The following SLC7A5 variants were observed in gnomAD, a reference collection of about 807,000 sequenced individuals.
The protein encoded by SLC7A5 is solute carrier family 7 member 5, also known as large neutral amino acids transporter small subunit 1.
SLC7A5 carries 23 observed loss-of-function variants against 50.2 expected under a neutral mutation model. The observed-to-expected ratio is 0.46, with a 90% CI of 0.33 to 0.65. SLC7A5 has a LOEUF of 0.65. Ranked by LOEUF, SLC7A5 falls within the 30% of genes least tolerant of loss-of-function variation. The probability of loss-of-function intolerance (pLI) is 0.02; values close to 1 mark genes in which losing one functional copy is unlikely to be tolerated. For synonymous variants in SLC7A5, 393 were observed against 330.6 expected (o/e 1.19, Z -2.05); for missense variants, 578 against 684.4 (o/e 0.84, Z 1.73).
At chr16:87,858,921 G>A (rs1305950658) in intron 1 of SLC7A5, among the ~76,000 whole-genome samples, 5 of 152,244 alleles carry the variant, frequency 3.3e-5, no homozygotes, top group Admixed American at 1.3e-4. Flanking sequence ...CAGATGCAGT[G>A]ATGGAAGAAT....
intron 2 of SLC7A5, among the ~76,000 whole-genome samples, chr16:87,848,139 T>TC (rs11388146): frequency 0.41 from 62,383 of 152,068 alleles, 14,069 homozygotes; most frequent in South Asian, 0.63. Context: ...AAAGGGCAAA[T>TC]TTGCTCCAGG....
chr16:87,832,817 C>G lies in SLC7A5; in HGVS notation c.*153G>C, dbSNP rs563272587. 1 of 706,378 alleles carries G rather than the reference C, an allele frequency of 1.4e-6. No individual in the cohort carries two copies. Among genetic ancestry groups the G allele is most frequent in the Non-Finnish European group, 2.6e-6 (1 of 383,710 alleles). The allele number at this position is 706,378 out of a possible 1,614,324, so 43.8% of individuals were successfully genotyped here. On this transcript the variant is annotated 3_prime_UTR_variant, in exon 10 of 10. Coordinates refer to ENST00000261622, the MANE Select transcript of SLC7A5 (RefSeq NM_003486.7). The surrounding 1 kb of genome is among the most constrained non-coding windows in gnomAD (Gnocchi z 4.6). ...GATGAGATTCGTACCAGAGTTTTCACAGCAGCCTCCACTGCCCGACCTGGG... is the reference window on the plus strand; with the variant it reads ...GATGAGATTCGTACCAGAGTTTTCAGAGCAGCCTCCACTGCCCGACCTGGG...
At position 87,852,834 on chromosome 16, in the gene SLC7A5, C is replaced by T. The variant is rs1424346559; in HGVS notation, c.539-985G>A. Among the ~76,000 whole-genome samples, 1 of 152,068 alleles carries T rather than the reference C, an allele frequency of 6.6e-6. No homozygotes were observed. Among genetic ancestry groups the T allele is most frequent in the East Asian group, 1.9e-4 (1 of 5,200 alleles). On this transcript the variant is annotated intron_variant, in intron 1 of 9. Transcript: ENST00000261622. The surrounding 1 kb of genome is among the most constrained non-coding windows in gnomAD (Gnocchi z 4.5). Reference sequence around the variant, plus strand: ...GAGCTGGTGGGGAAACAGCCACCCCCACAACTTAAAATGAAGTAAAATCAT... The same window carrying T: ...GAGCTGGTGGGGAAACAGCCACCCCTACAACTTAAAATGAAGTAAAATCAT...
At chr16:87,854,074 C>A (rs867244537) in intron 1 of SLC7A5, 2 of 83,844 alleles carry the variant, frequency 2.4e-5, no homozygotes, top group Non-Finnish European at 4.3e-5. Flanking sequence ...ACCCCCCCGC[C>A]CCCCCCCCCA....
chr16:87,853,908 ACGTCTGCGGCT>A lies in SLC7A5; in HGVS notation c.539-2070_539-2060del, dbSNP rs1483253641. On this transcript the variant is annotated intron_variant, in intron 1 of 9. Transcript: ENST00000261622. This position sits in a 1 kb window ranked among gnomAD's most constrained non-coding sequence, Gnocchi z 4.4. ...ACTGAGCACTGCCCTCGCGGCTGTC[ACGTCTGCGGCT>A]GTCACGTCTGCTAGGGGGTTGGGGG... 9.2e-6 allele frequency: 1 copy of A among 109,254 alleles called. No individual in the cohort carries two copies. The highest frequency in any genetic ancestry group is 2.3e-5 in the Non-Finnish European group (1 of 44,264). 6.8% of individuals were successfully genotyped at this position (109,254 alleles called of 1,614,324 possible).
In SLC7A5 at chr16:87,857,464, G is replaced by C. The variant is rs576725645; in HGVS notation, c.539-5615C>G. 3.3e-5 allele frequency among the ~76,000 whole-genome samples: 5 copies of C among 152,308 alleles called. No homozygotes were observed. The South Asian group carries it at 1.0e-3, about 32-fold the overall frequency. On this transcript the variant is annotated intron_variant, in intron 1 of 9. Transcript: ENST00000261622. ...CACCGGCCTAATTTTTGTATTTTTA[G>C]TAGAGACAAGCGTTCACCATGTTGG... is the stretch of plus-strand genomic sequence containing the variant.
Position 87,841,241 on chromosome 16 carries a change from A to G in SLC7A5, c.665-86T>C. On this transcript the variant is annotated intron_variant, in intron 2 of 9. Transcript: ENST00000261622. This position sits in a 1 kb window ranked among gnomAD's most constrained non-coding sequence, Gnocchi z 4.8. Reference sequence around the variant, plus strand: ...AGTTCTAGAATGTTCCTGGAGCAAAATACATAGCAAACAAAAATGCTGGAG... The same window carrying G: ...AGTTCTAGAATGTTCCTGGAGCAAAGTACATAGCAAACAAAAATGCTGGAG... 1.1e-6 allele frequency: 1 copy of G among 883,488 alleles called. No individual in the cohort carries two copies. Among genetic ancestry groups the G allele is most frequent in the South Asian group, 1.3e-5 (1 of 74,454 alleles). The allele number at this position is 883,488 out of a possible 1,614,324, so 54.7% of individuals were successfully genotyped here. A position where few individuals can be genotyped will look rare whatever the true frequency, so the allele number is the denominator to read the frequency against.
At position 87,835,734 on chromosome 16, in the gene SLC7A5, A is replaced by G. The variant is rs534720243; in HGVS notation, c.1290+764T>C. On this transcript the variant is annotated intron_variant, in intron 8 of 9. Coordinates refer to ENST00000261622, the MANE Select transcript of SLC7A5 (RefSeq NM_003486.7). ...TGTGATCTGCCCGCCTCGGCCTCCC[A>G]AAGTGCTGGGATTACAGGCGTGAGC... Among the ~76,000 whole-genome samples the G allele has an allele frequency of 9.2e-5, 14 of 152,250 alleles. No individual in the cohort carries two copies. In the South Asian group the frequency reaches 2.7e-3, roughly 29 times the overall value.
Position 87,860,589 on chromosome 16 carries a change from T to C in SLC7A5, c.538+8296A>G, listed in dbSNP as rs1170278752. On this transcript the variant is annotated intron_variant, in intron 1 of 9. Transcript: ENST00000261622. The surrounding 1 kb of genome is among the most constrained non-coding windows in gnomAD (Gnocchi z 4.8). The stretch of plus-strand genomic sequence containing the variant: ...GCTGTGGCCCACCCCCTGGGGCACA[T>C]GTCCTCAGGGCCTCCAGGCCTTGGT... Among the ~76,000 whole-genome samples, 1 of 152,104 alleles carries C rather than the reference T, an allele frequency of 6.6e-6. No homozygotes were observed. The highest frequency in any genetic ancestry group is 1.5e-5 in the Non-Finnish European group (1 of 68,018).
chr16:87,841,028 A>C lies in SLC7A5; in HGVS notation c.770+22T>G, dbSNP rs1490927225. ...GGACTGTATGTCCCCAGACCAAGGG[A>C]CCCAGACATTCCAGAACCTACCATC... On this transcript the variant is annotated intron_variant, in intron 3 of 9. Transcript: ENST00000261622. The surrounding 1 kb of genome is among the most constrained non-coding windows in gnomAD (Gnocchi z 4.8). 1 of 1,542,540 alleles carries C rather than the reference A, an allele frequency of 6.5e-7. No individual in the cohort carries two copies. Among genetic ancestry groups the C allele is most frequent in the Non-Finnish European group, 9.0e-7 (1 of 1,115,504 alleles).
Position 87,833,045 on chromosome 16 carries a change from C to T in SLC7A5, c.1469-20G>A, listed in dbSNP as rs758878253. On this transcript the variant is annotated intron_variant, in intron 9 of 9. Transcript: ENST00000261622. The surrounding 1 kb of genome is among the most constrained non-coding windows in gnomAD (Gnocchi z 6.0). ...TGGAGACTGTCAGGAGAGAAGACAG[C>T]TGTGTTAGCCTGGGGGCTGGGTAGG... 1.2e-6 allele frequency: 2 copies of T among 1,612,244 alleles called. No homozygotes were observed. The highest frequency in any genetic ancestry group is 1.7e-6 in the Non-Finnish European group (2 of 1,178,512).
At position 87,862,053 on chromosome 16, in the gene SLC7A5, G is replaced by C. The variant is rs1480193783; in HGVS notation, c.538+6832C>G. Among the ~76,000 whole-genome samples the C allele has an allele frequency of 6.6e-6, 1 of 152,198 alleles. No homozygotes were observed. Among genetic ancestry groups the C allele is most frequent in the Non-Finnish European group, 1.5e-5 (1 of 68,018 alleles). ...TCCCAGCTGTGGGGGGTTGGGGGTG[G>C]AGGGGTGCAGGGATCCCAAAACCCA... is the stretch of plus-strand genomic sequence containing the variant. On this transcript the variant is annotated intron_variant, in intron 1 of 9. Transcript: ENST00000261622. The surrounding 1 kb of genome is among the most constrained non-coding windows in gnomAD (Gnocchi z 5.3).
intron 1 of SLC7A5, 73 bp from the exon 2 acceptor site, chr16:87,851,922 C>G (rs571072268): frequency 4.5e-5 from 72 of 1,584,604 alleles, no homozygotes; most frequent in Non-Finnish European, 6.0e-5. Flanking sequence ...TGGGAGGTGA[C>G]GACCCCACCC....
chr16:87,847,871 C>T (rs1408334022), intron 2 of SLC7A5, among the ~76,000 whole-genome samples: 1 of 152,196 alleles, frequency 6.6e-6, no homozygotes, highest in Non-Finnish European at 1.5e-5. Flanking sequence ...AAATGCAGGC[C>T]CCTGCCCCAC....
intron 5 of SLC7A5, 24 bp from the exon 6 acceptor site, chr16:87,838,841 T>C (rs2055045828): frequency 1.3e-6 from 2 of 1,588,116 alleles, no homozygotes; most frequent in African/African-American, 1.3e-5. Flanking sequence ...ACCAGTGAGC[T>C]GGGCCCCACC....
At chr16:87,863,986 A>AATAT (rs58063420) in intron 1 of SLC7A5, among the ~76,000 whole-genome samples, 1,160 of 83,272 alleles carry the variant, frequency 0.014, 65 homozygotes, top group African/African-American at 0.041. Flanking sequence ...ATCATTTAAA[A>AATAT]ATATATATAT....
rs560959403 is a variant in SLC7A5 at position 87,852,664 on chromosome 16, G to A, written c.539-815C>T. On this transcript the variant is annotated intron_variant, in intron 1 of 9. Transcript: ENST00000261622. This position sits in a 1 kb window ranked among gnomAD's most constrained non-coding sequence, Gnocchi z 4.5. ...TGTGTGTGTGTGTGTGTGTGTGTGT[G>A]TGTGTGTGTGTGTGTGTGTGTGTTG... 5.6e-4 allele frequency among the ~76,000 whole-genome samples: 85 copies of A among 150,716 alleles called. 1 individual carries two copies. Among genetic ancestry groups the A allele is most frequent in the South Asian group, 4.9e-3 (23 of 4,742 alleles).
At chr16:87,835,528 C>T (rs1032880595) in intron 8 of SLC7A5, among the ~76,000 whole-genome samples, 3 of 152,234 alleles carry the variant, frequency 2.0e-5, no homozygotes, top group African/African-American at 7.2e-5. Flanking sequence ...CTCACTCTGT[C>T]GTCCAGGCTG....
At chr16:87,856,096 G>T (rs1424298460) in intron 1 of SLC7A5, among the ~76,000 whole-genome samples, 1 of 152,152 alleles carries the variant, frequency 6.6e-6, no homozygotes, top group Admixed American at 6.5e-5. Context: ...CACTGTGAGT[G>T]CCCCAGGCAG....
Sources: gnomAD v4.1 joint callset for allele counts (sites outside exome capture counted in the v4.1 genomes callset) on GRCh38, gnomAD v4.1.1 for gene constraint, Gnocchi (gnomAD v3.1) non-coding constraint, MANE v1.5 for transcripts, NCBI Gene and HGNC (gene_info 2026-07-23, HGNC 2026-07-21) for gene names.